The following DUSP15 variants were observed in gnomAD, a reference collection of about 807,000 sequenced individuals.
DUSP15 encodes dual specificity phosphatase 15.
In DUSP15, 23 loss-of-function variants were observed where a neutral mutation model predicts 26.3. That is an observed-to-expected ratio of 0.87 (90% CI 0.63 to 1.24). The LOEUF (loss-of-function observed/expected upper bound fraction) is 1.24, where lower values mean the gene tolerates loss of function less well. DUSP15 is among the 50% of genes most tolerant of loss of function. DUSP15 has a pLI of 0.00. For missense variants in DUSP15, 364 were observed against 320.6 expected (o/e 1.14, Z -1.03); for synonymous variants, 143 against 135.5 (o/e 1.06, Z -0.39).
At chr20:31,850,384 T>C (rs2062449783) in intron 7 of DUSP15, among the ~76,000 whole-genome samples, 1 of 152,178 alleles carries the variant, frequency 6.6e-6, no homozygotes, top group African/African-American at 2.4e-5. Flanking sequence ...CTCTGTGTCC[T>C]GGTTTGGGCA....
chr20:31,849,961 A>G, intron 7 of DUSP15: 2 of 1,399,732 alleles, frequency 1.4e-6, no homozygotes, highest in Non-Finnish European at 1.8e-6. Flanking sequence ...ACTCTGCCGG[A>G]CCCAGAGGTC....
At chr20:31,863,082 G>T (rs372071736) in intron 5 of DUSP15, among the ~76,000 whole-genome samples, 12 of 152,064 alleles carry the variant, frequency 7.9e-5, no homozygotes, top group South Asian at 6.2e-4. Context: ...GGCTGGGGGG[G>T]GGGGACAGAC....
At chr20:31,870,540 G>A, upstream of DUSP15, 4 of 1,451,324 alleles carry the variant, frequency 2.8e-6, no homozygotes, top group South Asian at 1.4e-5. The surrounding 1 kb of genome is among the most constrained non-coding windows in gnomAD (Gnocchi z 6.6). Flanking sequence ...TGGTGGAGCC[G>A]CCGCTGCCAC....
chr20:31,870,537 G>A, upstream of DUSP15: 2 of 1,448,116 alleles, frequency 1.4e-6, no homozygotes, highest in Non-Finnish European at 1.8e-6. This position sits in a 1 kb window ranked among gnomAD's most constrained non-coding sequence, Gnocchi z 6.6. Flanking sequence ...TGGTGGTGGA[G>A]CCGCCGCTGC....
At chr20:31,869,908 A>T in intron 1 of DUSP15, 1 of 1,362,520 alleles carries the variant, frequency 7.3e-7, no homozygotes. Flanking sequence ...TGCAGGGTGC[A>T]GGGATGGAAA....
chr20:31,846,257 GACAT>G (rs1236274884), downstream of DUSP15, among the ~76,000 whole-genome samples: 3 of 145,016 alleles, frequency 2.1e-5, no homozygotes, highest in African/African-American at 7.8e-5. Context: ...GACACACAGA[GACAT>G]ACACACACAG....
chr20:31,849,982 C>A, intron 7 of DUSP15: 1 of 1,367,602 alleles, frequency 7.3e-7, no homozygotes, highest in Non-Finnish European at 9.5e-7. Flanking sequence ...GTCCCAGCCT[C>A]TACCTCGGAA....
At position 31,865,021 on chromosome 20, in the gene DUSP15, C is replaced by G. The variant is rs776960589; in HGVS notation, c.139-19G>C. On this transcript the variant is annotated intron_variant, in intron 3 of 6. Coordinates refer to ENST00000339738, the MANE Select transcript of DUSP15 (RefSeq NM_080611.5). ...TGATATCCTGCAAGTACAAAATACACTCAGGCAGGGGACCTTGCCTGCAAC... is the reference window on the plus strand; with the variant it reads ...TGATATCCTGCAAGTACAAAATACAGTCAGGCAGGGGACCTTGCCTGCAAC... 9.0e-5 allele frequency: 146 copies of G among 1,613,980 alleles called. No individual in the cohort carries two copies. The highest frequency in any genetic ancestry group is 3.3e-4 in the Middle Eastern group (2 of 6,084).
At chr20:31,855,803 A>C (rs2062551677) in intron 6 of DUSP15, among the ~76,000 whole-genome samples, 1 of 152,244 alleles carries the variant, frequency 6.6e-6, no homozygotes, top group Admixed American at 6.5e-5. Flanking sequence ...CACACCAGAC[A>C]CTTAAAATTC....
At chr20:31,846,133 G>GACACACACACAGAC, downstream of DUSP15, among the ~76,000 whole-genome samples, 1 of 127,482 alleles carries the variant, frequency 7.8e-6, no homozygotes, top group South Asian at 2.2e-4. Flanking sequence ...CACAGACACA[G>GACACACACACAGAC]ACACACACAC....
At chr20:31,849,452 C>A in intron 8 of DUSP15, 2 of 605,688 alleles carry the variant, frequency 3.3e-6, no homozygotes, top group South Asian at 1.7e-5. Context: ...AATGTGCCCA[C>A]TCTCCTCTGT....
intron 2 of DUSP15, among the ~76,000 whole-genome samples, chr20:31,868,038 G>A (rs1179700154): frequency 6.6e-6 from 1 of 152,216 alleles, no homozygotes; most frequent in African/African-American, 2.4e-5. Context: ...GAACAAGGAT[G>A]TACCCAACAG....
At chr20:31,863,747 C>T (rs2062708938) in intron 5 of DUSP15, 160 bp downstream of exon 5, 5 of 655,172 alleles carry the variant, frequency 7.6e-6, no homozygotes, top group East Asian at 5.5e-5. Flanking sequence ...AATAGAGTCC[C>T]GGGTTGGCCT....
chr20:31,846,461 A>AGG (rs2062379266), downstream of DUSP15, among the ~76,000 whole-genome samples: 1 of 150,926 alleles, frequency 6.6e-6, no homozygotes, highest in Non-Finnish European at 1.5e-5. Flanking sequence ...AGAGAGAGAG[A>AGG]GAGAGAGAGA....
chr20:31,845,676 G>A (rs2062370943), downstream of DUSP15: 28 of 1,103,472 alleles, frequency 2.5e-5, no homozygotes, highest in East Asian at 6.9e-4. Context: ...GCAAAAAGGG[G>A]TGGGTCTGCT....
chr20:31,859,364 A>G (rs957419456), downstream of DUSP15, among the ~76,000 whole-genome samples: 1 of 152,114 alleles, frequency 6.6e-6, no homozygotes, highest in African/African-American at 2.4e-5. Context: ...AAAAAGATCA[A>G]GTTGCTCAGA....
downstream of DUSP15, among the ~76,000 whole-genome samples, chr20:31,846,109 G>A (rs1022206878): frequency 1.3e-5 from 1 of 76,140 alleles, no homozygotes; most frequent in African/African-American, 1.2e-4. Flanking sequence ...TACACGTACA[G>A]ACACACAGAG....
chr20:31,869,966 A>C lies in DUSP15; in HGVS notation c.21+351T>G, dbSNP rs2062884329. ...AGGCAATGACAGGCAGAGGCGGGAC[A>C]GGATGGAGAAACAGCCCCGGAGAGA... On this transcript the variant is annotated intron_variant, in intron 1 of 6. Transcript: ENST00000339738. The C allele has an allele frequency of 6.7e-6, 9 of 1,352,184 alleles. No homozygotes were observed. The East Asian group carries it at 2.5e-4, about 38-fold the overall frequency. The allele number at this position is 1,352,184 out of a possible 1,614,324, so 83.8% of individuals were successfully genotyped here.
intron 9 of DUSP15, chr20:31,848,732 A>T (rs2062408893): frequency 6.6e-7 from 1 of 1,515,332 alleles, no homozygotes; most frequent in Non-Finnish European, 8.9e-7. Flanking sequence ...CTGGGACTGG[A>T]GGGAGTGTGG....
Sources: gnomAD v4.1 joint callset for allele counts (sites outside exome capture counted in the v4.1 genomes callset) on GRCh38, gnomAD v4.1.1 for gene constraint, Gnocchi (gnomAD v3.1) non-coding constraint, MANE v1.5 for transcripts, NCBI Gene and HGNC (gene_info 2026-07-23, HGNC 2026-07-21) for gene names.